The following OR12D3 variants were observed in gnomAD, a reference collection of about 807,000 sequenced individuals.
OR12D3 encodes olfactory receptor family 12 subfamily D member 3.
For missense variants in OR12D3, 333 were observed against 386.4 expected (o/e 0.86, Z 1.16); for synonymous variants, 142 against 138.8 (o/e 1.02, Z -0.16).
rs150015142 is a variant in OR12D3 at position 29,374,606 on chromosome 6, T to G, written c.682A>C (p.Arg228=). The change falls in exon 1 of 1, where the codon AGG becomes CGG. Residue 228 remains arginine (R), a synonymous_variant. Transcript: ENST00000396806. ...YVIGFLLFKN[R]SCRILHKALS... ...GCCTTGTGGAGTATTCTGCAGGACC[T>G]GTTCTTAAACAGAAGGAAGCCAATT... 59 of 1,612,974 alleles carry G rather than the reference T, an allele frequency of 3.7e-5. No individual in the cohort carries two copies. In the African/African-American group the frequency reaches 7.5e-4, roughly 20 times the overall value.
In OR12D3 at chr6:29,374,229, T is replaced by C. The variant is rs1340969831; in HGVS notation, c.*108A>G. ...ACCTACTACACTGCCTAATATAATA[T>C]GTGCTCAAAATTTTTGAAAGAAAAA... On this transcript the variant is annotated 3_prime_UTR_variant, in exon 1 of 1. Transcript: ENST00000396806. 5.5e-6 allele frequency: 5 copies of C among 902,028 alleles called. No individual in the cohort carries two copies. The highest frequency in any genetic ancestry group is 3.4e-5 in the African/African-American group (2 of 59,510). The allele number at this position is 902,028 out of a possible 1,614,324, so 55.9% of individuals were successfully genotyped here. A position where few individuals can be genotyped will look rare whatever the true frequency, so the allele number is the denominator to read the frequency against.
At position 29,374,016 on chromosome 6, in the gene OR12D3, A is replaced by G; in HGVS notation, c.*321T>C. 1 of 406,092 alleles carries G rather than the reference A, an allele frequency of 2.5e-6. No homozygotes were observed. The allele number at this position is 406,092 out of a possible 1,614,324, so 25.2% of individuals were successfully genotyped here. ...AGGTTTTTGTCCTAGGAGAAATGCC[A>G]CATTCTTTTTTACACAGCAGATTCC... On this transcript the variant is annotated 3_prime_UTR_variant, in exon 1 of 1. Transcript: ENST00000396806.
At position 29,374,438 on chromosome 6, in the gene OR12D3, G is replaced by T. The variant is rs147229817; in HGVS notation, c.850C>A (p.Leu284Met). 1 of 1,611,670 alleles carries T rather than the reference G, an allele frequency of 6.2e-7. No individual in the cohort carries two copies. The highest frequency in any genetic ancestry group is 1.3e-5 in the African/African-American group (1 of 74,424). Residue 284 changes from leucine to methionine, a missense_variant, in exon 1 of 1, where the codon CTG (leucine) becomes ATG (methionine). Transcript: ENST00000396806. ...AIMYSAVTPV[L>M]NPLIYTLRNK... Reference sequence around the variant, plus strand: ...CTAAGGGTGTAGATTAGTGGATTCAGTACAGGGGTGACGGCGCTATACATG... The same window carrying T: ...CTAAGGGTGTAGATTAGTGGATTCATTACAGGGGTGACGGCGCTATACATG...
rs2151291244 is a variant in OR12D3, at chr6:29,374,951, G to T, written c.337C>A (p.Leu113Met). The T allele has an allele frequency of 6.2e-7, 1 of 1,613,990 alleles. No individual in the cohort carries two copies. Among genetic ancestry groups the T allele is most frequent in the Non-Finnish European group, 8.5e-7 (1 of 1,180,016 alleles). ...HFLGSTEAILLAIMAFDRFVA... is the reference protein window; with the variant it reads ...HFLGSTEAILMAIMAFDRFVA... ...AAACGGTCAAAGGCCATGATAGCCAGTAAAATGGCCTCTGTGCTTCCCAAA... is the reference window on the plus strand; with the variant it reads ...AAACGGTCAAAGGCCATGATAGCCATTAAAATGGCCTCTGTGCTTCCCAAA... Residue 113 changes from leucine to methionine, a missense_variant, in exon 1 of 1, where the codon CTG becomes ATG. Transcript: ENST00000396806.
rs1779281362 is a variant in OR12D3, at chr6:29,374,205, C to T, written c.*132G>A. 1.5e-6 allele frequency: 1 copy of T among 682,412 alleles called. No individual in the cohort carries two copies. The allele number at this position is 682,412 out of a possible 1,614,324, so 42.3% of individuals were successfully genotyped here. A position where few individuals can be genotyped will look rare whatever the true frequency, so the allele number is the denominator to read the frequency against. The stretch of plus-strand genomic sequence containing the variant: ...TTTGCTTGCTCCTGTGTTTCTTGAA[C>T]CTACTACACTGCCTAATATAATATG... On this transcript the variant is annotated 3_prime_UTR_variant, in exon 1 of 1. Transcript: ENST00000396806.
At position 29,375,221 on chromosome 6, in the gene OR12D3, G is replaced by T; in HGVS notation, c.67C>A (p.Pro23Thr). The T allele has an allele frequency of 3.7e-6, 6 of 1,611,044 alleles. No individual in the cohort carries two copies. The highest frequency in any genetic ancestry group is 5.1e-6 in the Non-Finnish European group (6 of 1,179,494). ...ATTAAGAAAATCCCAAAGAAGAAAG[G>T]CTGCAGCTCCTGAACACCAGTCAGG... ...LGLTGVQELQ[P>T]FFFGIFLIIY... Residue 23 changes from proline to threonine, a missense_variant, in exon 1 of 1, where the codon CCT becomes ACT. Physicochemically the swap from Pro to Thr is conservative, Grantham distance 38 (BLOSUM62 -1). Coordinates refer to ENST00000396806, the MANE Select transcript of OR12D3 (RefSeq NM_030959.3).
At position 29,374,856 on chromosome 6, in the gene OR12D3, A is replaced by T; in HGVS notation, c.432T>A (p.Ala144=). Residue 144 remains alanine (A), a synonymous_variant, in exon 1 of 1, where the codon GCT becomes GCA. Transcript: ENST00000396806. ...AAAAGAAGCTGATGAGCCAGGCCGC[A>T]GCTGCCAACAGAATACACACCTGGG... ...MNPQVCILLA[A]AAWLISFFYA... is the part of the protein sequence containing the mutation. 6.2e-7 allele frequency: 1 copy of T among 1,613,104 alleles called. No homozygotes were observed. Among genetic ancestry groups the T allele is most frequent in the African/African-American group, 1.3e-5 (1 of 75,070 alleles).
rs745512383 is a variant in OR12D3, at chr6:29,375,099, G to A, written c.189C>T (p.Asn63=). The change falls in exon 1 of 1, where the codon AAC becomes AAT. Residue 63 remains asparagine, a synonymous_variant. Transcript: ENST00000396806. ...AATAAGAAATATCCAGACAAGAAAG[G>A]TTTCCCAGAAAAAAATACATAGGGG... The part of the protein sequence containing the change: ...LHSPMYFFLG[N]LSCLDISYSS... 21 of 1,612,348 alleles carry A rather than the reference G, an allele frequency of 1.3e-5. No individual in the cohort carries two copies. Among genetic ancestry groups the A allele is most frequent in the Middle Eastern group, 1.6e-4 (1 of 6,078 alleles).
At position 29,375,026 on chromosome 6, in the gene OR12D3, T is replaced by C; in HGVS notation, c.262A>G (p.Arg88Gly). ...KLLVNLVCSR[R>G]AISFLGCITQ... ...ATACAGCCTAGAAAAGATATAGCCCTGCGACTGCACACGAGGTTTACGAGC... is the reference window on the plus strand; with the variant it reads ...ATACAGCCTAGAAAAGATATAGCCCCGCGACTGCACACGAGGTTTACGAGC... The change falls in exon 1 of 1, where the codon AGG becomes GGG. Residue 88 changes from arginine to glycine, a missense_variant. Coordinates refer to ENST00000396806, the MANE Select transcript of OR12D3 (RefSeq NM_030959.3). 1 of 1,613,556 alleles carries C rather than the reference T, an allele frequency of 6.2e-7. No homozygotes were observed. Among genetic ancestry groups the C allele is most frequent in the East Asian group, 2.2e-5 (1 of 44,872 alleles).
Position 29,374,925 on chromosome 6 carries a change from A to T in OR12D3, c.363T>A (p.Phe121Leu), listed in dbSNP as rs1489180679. The change falls in exon 1 of 1, where the codon TTT becomes TTA. Residue 121 changes from phenylalanine (F) to leucine (L), a missense_variant. Phe to Leu is a conservative substitution (Grantham distance 22). Coordinates refer to ENST00000396806, the MANE Select transcript of OR12D3 (RefSeq NM_030959.3). ...AGCGAAGAGGATTGCAGATGGCAAC[A>T]AAACGGTCAAAGGCCATGATAGCCA... ...ILLAIMAFDR[F>L]VAICNPLRYT... is the part of the protein sequence containing the mutation. 6.2e-7 allele frequency: 1 copy of T among 1,614,020 alleles called. No homozygotes were observed. Among genetic ancestry groups the T allele is most frequent in the Non-Finnish European group, 8.5e-7 (1 of 1,180,032 alleles).
Position 29,374,354 on chromosome 6 carries a change from A to G in OR12D3, c.934T>C (p.Trp312Arg). Reference protein sequence around the residue: ...KIFGRKLFKDWQQHH With the variant: ...KIFGRKLFKDRQQHH The stretch of plus-strand genomic sequence containing the variant: ...CATTAGTCCTAGTGGTGTTGCTGCC[A>G]GTCTTTAAACAACTTCCTACCAAAG... Residue 312 changes from tryptophan (W) to arginine (R), a missense_variant, in exon 1 of 1, where the codon TGG (tryptophan) becomes CGG (arginine). Transcript: ENST00000396806. 1.2e-6 allele frequency: 2 copies of G among 1,611,046 alleles called. No homozygotes were observed. The highest frequency in any genetic ancestry group is 8.5e-7 in the Non-Finnish European group (1 of 1,179,090).
chr6:29,373,500 A>G lies in OR12D3; in HGVS notation c.*837T>C, dbSNP rs151071148. ...TTAAATTTAATTCTATCAAAAATTT[A>G]TCAAATTTAAATTGTGCAAACACTC... On this transcript the variant is annotated 3_prime_UTR_variant, in exon 1 of 1. Transcript: ENST00000396806. The G allele has an allele frequency of 6.6e-6, 1 of 152,392 alleles. No homozygotes were observed. Among genetic ancestry groups the G allele is most frequent in the African/African-American group, 2.4e-5 (1 of 41,584 alleles). The allele number at this position is 152,392 out of a possible 1,614,324, so 9.4% of individuals were successfully genotyped here.
At position 29,374,467 on chromosome 6, in the gene OR12D3, G is replaced by A. The variant is rs1779303481; in HGVS notation, c.821C>T (p.Ala274Val). ...ATSMIQDRIMAIMYSAVTPVL... is the reference protein window; with the variant it reads ...ATSMIQDRIMVIMYSAVTPVL... The stretch of plus-strand genomic sequence containing the variant: ...AGGGGTGACGGCGCTATACATGATG[G>A]CCATTATCCGGTCCTGAATCATGGA... Residue 274 changes from alanine to valine, a missense_variant, in exon 1 of 1, where the codon GCC becomes GTC. Physicochemically the swap from Ala to Val is moderately conservative, Grantham distance 64 (BLOSUM62 0). Transcript: ENST00000396806. 3.7e-6 allele frequency: 6 copies of A among 1,612,818 alleles called. No homozygotes were observed. Among genetic ancestry groups the A allele is most frequent in the Non-Finnish European group, 5.1e-6 (6 of 1,180,000 alleles).
At position 29,375,232 on chromosome 6, in the gene OR12D3, T is replaced by C; in HGVS notation, c.56A>G (p.Gln19Arg). 1 of 1,609,378 alleles carries C rather than the reference T, an allele frequency of 6.2e-7. No homozygotes were observed. The highest frequency in any genetic ancestry group is 1.1e-5 in the South Asian group (1 of 90,070). The change falls in exon 1 of 1, where the codon CAG becomes CGG. Residue 19 changes from glutamine (Q) to arginine (R), a missense_variant. Coordinates refer to ENST00000396806, the MANE Select transcript of OR12D3 (RefSeq NM_030959.3). ...CCCAAAGAAGAAAGGCTGCAGCTCC[T>C]GAACACCAGTCAGGCCAAGTAGAAG... ...EFLLLGLTGV[Q>R]ELQPFFFGIF... is the part of the protein sequence containing the mutation.
rs1261344695 is a variant in OR12D3, at chr6:29,374,685, T to A, written c.603A>T (p.Thr201=). 1.9e-6 allele frequency: 3 copies of A among 1,612,202 alleles called. No individual in the cohort carries two copies. In the East Asian group the frequency reaches 6.7e-5, roughly 36 times the overall value. ...LLNQWLLSIV[T]GSISMGAFFL... is the part of the protein sequence containing the mutation. Reference sequence around the variant, plus strand: ...AGAAAGCTCCCATGGATATGCTGCCTGTGACAATGGAAAGAAGCCATTGAT... The same window carrying A: ...AGAAAGCTCCCATGGATATGCTGCCAGTGACAATGGAAAGAAGCCATTGAT... Residue 201 remains threonine (T), a synonymous_variant, in exon 1 of 1, where the codon ACA becomes ACT. Coordinates refer to ENST00000396806, the MANE Select transcript of OR12D3 (RefSeq NM_030959.3).
chr6:29,374,298 A>C lies in OR12D3; in HGVS notation c.*39T>G, dbSNP rs1430649853. 1 of 1,439,462 alleles carries C rather than the reference A, an allele frequency of 6.9e-7. No individual in the cohort carries two copies. The highest frequency in any genetic ancestry group is 9.5e-7 in the Non-Finnish European group (1 of 1,054,762). 89.2% of individuals were successfully genotyped at this position (1,439,462 alleles called of 1,614,324 possible). ...ATCATTTCTTACAGTGAAGTGATGG[A>C]AATCAGTCTTAATAGAAATCAGATA... On this transcript the variant is annotated 3_prime_UTR_variant, in exon 1 of 1. Coordinates refer to ENST00000396806, the MANE Select transcript of OR12D3 (RefSeq NM_030959.3).
chr6:29,373,924 A>T lies in OR12D3; in HGVS notation c.*413T>A. 2.5e-6 allele frequency: 1 copy of T among 399,142 alleles called. No homozygotes were observed. Among genetic ancestry groups the T allele is most frequent in the African/African-American group, 2.1e-5 (1 of 48,740 alleles). The allele number at this position is 399,142 out of a possible 1,614,324, so 24.7% of individuals were successfully genotyped here. On this transcript the variant is annotated 3_prime_UTR_variant, in exon 1 of 1. Transcript: ENST00000396806. ...AAGGAAACACAAAAGGAAAAAAAAT[A>T]GGCAAAAATAAAGATTATCTCATAT...
chr6:29,375,251 G>A lies in OR12D3; in HGVS notation c.37C>T (p.Leu13Phe). The A allele has an allele frequency of 6.3e-7, 1 of 1,595,468 alleles. No homozygotes were observed. Among genetic ancestry groups the A allele is most frequent in the South Asian group, 1.1e-5 (1 of 87,310 alleles). The change falls in exon 1 of 1, where the codon CTT (leucine) becomes TTT (phenylalanine). Residue 13 changes from leucine to phenylalanine, a missense_variant. Coordinates refer to ENST00000396806, the MANE Select transcript of OR12D3 (RefSeq NM_030959.3). ...NVTTMNEFLL[L>F]GLTGVQELQP... ...AGCTCCTGAACACCAGTCAGGCCAA[G>A]TAGAAGAAACTCATTCATTGTAGTG... is the stretch of plus-strand genomic sequence containing the variant.
At position 29,374,144 on chromosome 6, in the gene OR12D3, A is replaced by T. The variant is rs544863706; in HGVS notation, c.*193T>A. The T allele has an allele frequency of 6.5e-4, 373 of 570,204 alleles. 4 individuals carry two copies. The highest frequency in any genetic ancestry group is 1.0e-3 in the Non-Finnish European group (330 of 326,472). 35.3% of individuals were successfully genotyped at this position (570,204 alleles called of 1,614,324 possible). ...TTTGGTTATTTGGGGCCTCCATCAC[A>T]TTAAACTTTATGTTTGATGACATTA... On this transcript the variant is annotated 3_prime_UTR_variant, in exon 1 of 1. Transcript: ENST00000396806.
Sources: gnomAD v4.1 joint callset for allele counts on GRCh38, gnomAD v4.1.1 for gene constraint, MANE v1.5 for transcripts, NCBI Gene and HGNC (gene_info 2026-07-23, HGNC 2026-07-21) for gene names.